ORC4: variants seen among roughly 807,000 people sequenced by gnomAD.
ORC4 encodes origin recognition complex, subunit 4 homolog.
ORC4 carries 55 observed loss-of-function variants against 63.9 expected under a neutral mutation model. The observed-to-expected ratio is 0.86, with a 90% CI of 0.69 to 1.08. The LOEUF is 1.08. ORC4 is among the 50% of genes least tolerant of loss of function. The pLI is 0.00. For synonymous variants in ORC4, 150 were observed against 168.5 expected (o/e 0.89, Z 0.85); for missense variants, 511 against 504.4 (o/e 1.01, Z -0.13).
intron 1 of ORC4, among the ~76,000 whole-genome samples, chr2:147,981,190 C>T (rs1361085142): frequency 2.6e-5 from 4 of 152,268 alleles, no homozygotes; most frequent in South Asian, 2.1e-4. Flanking sequence ...AATTCCAAGG[C>T]GCCCCTCGCA....
chr2:147,972,713 A>AAACACC, intron 4 of ORC4, 26 bp downstream of exon 4: 1 of 1,426,492 alleles, frequency 7.0e-7, no homozygotes, highest in Non-Finnish European at 9.9e-7. Context: ...ACATGCCAAC[A>AAACACC]AACACCAGAA....
At chr2:147,972,343 A>G (rs1284334204) in intron 4 of ORC4, among the ~76,000 whole-genome samples, 4 of 152,174 alleles carry the variant, frequency 2.6e-5, no homozygotes, top group African/African-American at 9.6e-5. Context: ...GAAAAACCCT[A>G]CCGTGCAGTG....
chr2:147,957,625 A>AT (rs1383201044), intron 6 of ORC4, among the ~76,000 whole-genome samples: 4 of 152,180 alleles, frequency 2.6e-5, no homozygotes, highest in Non-Finnish European at 5.9e-5. Context: ...CCCTGAGACT[A>AT]TAAGATGATA....
Position 147,952,392 on chromosome 2 carries a change from A to G in ORC4, c.569T>C (p.Ile190Thr), listed in dbSNP as rs753778942. The G allele has an allele frequency of 5.0e-6, 8 of 1,608,384 alleles. No homozygotes were observed. The East Asian group carries it at 1.8e-4, about 36-fold the overall frequency. Residue 190 changes from isoleucine to threonine, a missense_variant, in exon 8 of 14, where the codon ATT (isoleucine) becomes ACT (threonine). Coordinates refer to ENST00000392857, the MANE Select transcript of ORC4 (RefSeq NM_181741.4). ...ACTTACCAATCTACATGTAAGACCAATAACTGCTATTGGGGTCTGTGCAGA... is the reference window on the plus strand; with the variant it reads ...ACTTACCAATCTACATGTAAGACCAGTAACTGCTATTGGGGTCTGTGCAGA... ...SQSAQTPIAV[I>T]GLTCRLDILE...
intron 8 of ORC4, among the ~76,000 whole-genome samples, chr2:147,950,794 A>AG (rs1688917381): frequency 6.6e-6 from 1 of 151,758 alleles, no homozygotes; most frequent in Non-Finnish European, 1.5e-5. Context: ...AAGAAAAAAA[A>AG]TTACACTTGA....
chr2:147,957,274 TTAA>T (rs1689316147), intron 6 of ORC4, among the ~76,000 whole-genome samples: 3 of 148,140 alleles, frequency 2.0e-5, no homozygotes, highest in East Asian at 1.9e-4. Context: ...AATTATATAA[TTAA>T]TAATTTTATA....
chr2:147,998,485 C>A (rs575809297), intron 1 of ORC4, among the ~76,000 whole-genome samples: 1 of 152,176 alleles, frequency 6.6e-6, no homozygotes, highest in African/African-American at 2.4e-5. Context: ...TTCCTTCCCA[C>A]AAGAGTGGGT....
chr2:147,939,116 T>TA (rs1688223200), intron 11 of ORC4, 24 bp downstream of exon 11: 2 of 1,411,310 alleles, frequency 1.4e-6, no homozygotes, highest in African/African-American at 1.4e-5. Context: ...AACCACAATT[T>TA]AAAAAATAAG....
chr2:147,998,836 A>G (rs1282434918), intron 1 of ORC4, among the ~76,000 whole-genome samples: 1 of 152,172 alleles, frequency 6.6e-6, no homozygotes, highest in Non-Finnish European at 1.5e-5. Context: ...TATAAGATAA[A>G]GGTTAAAAAG....
In ORC4 at chr2:147,999,874, G is replaced by C. The variant is rs192206340; in HGVS notation, c.-18+20759C>G. On this transcript the variant is annotated intron_variant, in intron 1 of 13. Coordinates refer to ENST00000392857, the MANE Select transcript of ORC4 (RefSeq NM_181741.4). Reference sequence around the variant, plus strand: ...TAACAGAAAGAATAATTTGGAAAAAGTAGAGAAAGCAGGAAGCAATAAATT... The same window carrying C: ...TAACAGAAAGAATAATTTGGAAAAACTAGAGAAAGCAGGAAGCAATAAATT... Among the ~76,000 whole-genome samples the C allele has an allele frequency of 3.7e-3, 570 of 152,020 alleles. 6 individuals carry two copies. The highest frequency in any genetic ancestry group is 0.022 in the South Asian group (108 of 4,814).
intron 1 of ORC4, among the ~76,000 whole-genome samples, chr2:147,988,112 A>G (rs1310821510): frequency 2.0e-5 from 3 of 152,052 alleles, no homozygotes; most frequent in Non-Finnish European, 2.9e-5. Context: ...TATCCAAAAA[A>G]TAAGAGCTAA....
intron 1 of ORC4, among the ~76,000 whole-genome samples, chr2:148,010,413 GGTT>G (rs543559526): frequency 6.4e-4 from 97 of 151,460 alleles, no homozygotes; most frequent in African/African-American, 2.3e-3. Flanking sequence ...AAATGAAAAG[GGTT>G]GTTTGGAAAG....
chr2:147,992,903 A>C (rs1480899997), intron 1 of ORC4, among the ~76,000 whole-genome samples: 3 of 152,130 alleles, frequency 2.0e-5, no homozygotes, highest in Admixed American at 2.0e-4. Flanking sequence ...TATTACTCTA[A>C]TGTTCCCTGC....
At position 147,957,216 on chromosome 2, in the gene ORC4, GATTATATA is replaced by G. The variant is rs558360987; in HGVS notation, c.387+1074_387+1081del. On this transcript the variant is annotated intron_variant, in intron 6 of 13. Coordinates refer to ENST00000392857, the MANE Select transcript of ORC4 (RefSeq NM_181741.4). ...ATATAACCTATTATAGAATTACATA[GATTATATA>G]ATTATATAATTATATAATTAATAAT... is the stretch of plus-strand genomic sequence containing the variant. Among the ~76,000 whole-genome samples, 293 of 145,788 alleles carry G rather than the reference GATTATATA, an allele frequency of 2.0e-3. 1 individual carries two copies. Among genetic ancestry groups the G allele is most frequent in the Middle Eastern group, 7.2e-3 (2 of 276 alleles).
chr2:147,958,256 C>A (rs558648544), intron 6 of ORC4, 42 bp downstream of exon 6: 2 of 1,253,352 alleles, frequency 1.6e-6, no homozygotes, highest in African/African-American at 3.0e-5. Flanking sequence ...AAAGACATTA[C>A]CTTAAAAGTC....
intron 7 of ORC4, among the ~76,000 whole-genome samples, chr2:147,953,051 C>T (rs369430656): frequency 1.5e-4 from 21 of 139,802 alleles, no homozygotes; most frequent in African/African-American, 5.6e-4. Context: ...CAGTCTAGGC[C>T]GGGCATGGTG....
At chr2:147,974,372 G>A (rs2627026) in intron 2 of ORC4, among the ~76,000 whole-genome samples, 5,583 of 152,132 alleles carry the variant, frequency 0.037, 333 homozygotes, top group African/African-American at 0.13. Context: ...TGTGGCTCAC[G>A]TCTGTAATCC....
intron 1 of ORC4, among the ~76,000 whole-genome samples, chr2:147,987,206 G>T: frequency 6.7e-6 from 1 of 150,120 alleles, no homozygotes. Context: ...AAAATCTCTT[G>T]GGTTTAATAA....
chr2:147,961,189 C>CA (rs1273311684), intron 4 of ORC4, among the ~76,000 whole-genome samples: 1 of 151,860 alleles, frequency 6.6e-6, no homozygotes, highest in Admixed American at 6.5e-5. Flanking sequence ...CCTGTAATCC[C>CA]AGCACTTTGG....
Sources: allele counts gnomAD v4.1 joint callset (sites outside exome capture counted in the v4.1 genomes callset), GRCh38; gene constraint gnomAD v4.1.1; transcripts MANE v1.5; gene names NCBI Gene and HGNC (gene_info 2026-07-23, HGNC 2026-07-21).